BACE1: variants seen among roughly 807,000 people sequenced by gnomAD.
BACE1 encodes APP beta-secretase.
BACE1 carries 21 observed loss-of-function variants against 54.0 expected under a neutral mutation model. The ratio of observed to expected loss-of-function variants is 0.39; its 90% CI spans 0.28 to 0.56. BACE1 has a LOEUF of 0.56. Among genes scored for constraint, BACE1 ranks in the 20% least tolerant of loss-of-function variants. BACE1 has a pLI of 0.63. For missense variants in BACE1, 511 were observed against 661.2 expected (o/e 0.77, Z 2.49); for synonymous variants, 232 against 260.9 (o/e 0.89, Z 1.07).
At chr11:117,299,962 C>T (rs1038643131) in intron 1 of BACE1, among the ~76,000 whole-genome samples, 3 of 152,088 alleles carry the variant, frequency 2.0e-5, no homozygotes, top group African/African-American at 2.4e-5. Flanking sequence ...AAGTTCTAAG[C>T]AAATATGGCT....
chr11:117,286,268 G>T lies in BACE1; in HGVS notation c.*3298C>A, dbSNP rs1290854376. On this transcript the variant is annotated 3_prime_UTR_variant, in exon 9 of 9. Coordinates refer to ENST00000313005, the MANE Select transcript of BACE1 (RefSeq NM_012104.6). ...TTCAAATTTATAAATCACTTGCTCT[G>T]TGGGTAGCTATCAGGAACTAGATCA... 6.6e-6 allele frequency: 1 copy of T among 152,314 alleles called. No individual in the cohort carries two copies. The allele number at this position is 152,314 out of a possible 1,614,324, so 9.4% of individuals were successfully genotyped here.
intron 1 of BACE1, among the ~76,000 whole-genome samples, chr11:117,312,682 C>T (rs1297850021): frequency 1.3e-5 from 2 of 152,118 alleles, no homozygotes; most frequent in Admixed American, 6.6e-5. Context: ...AGGCTGGTCG[C>T]GAACTCCTGA....
chr11:117,297,042 C>T, intron 1 of BACE1, 81 bp from the exon 2 acceptor site: 1 of 1,014,680 alleles, frequency 9.9e-7, no homozygotes, highest in Non-Finnish European at 1.5e-6. Context: ...CACGCCCCAG[C>T]CACAGTCTGC....
intron 1 of BACE1, among the ~76,000 whole-genome samples, chr11:117,300,489 C>G (rs2034701345): frequency 6.6e-6 from 1 of 152,288 alleles, no homozygotes. Flanking sequence ...CAGGACGGGC[C>G]CGAGGCAAGG....
intron 1 of BACE1, among the ~76,000 whole-genome samples, chr11:117,304,824 G>T (rs1211387085): frequency 6.6e-6 from 1 of 151,978 alleles, no homozygotes; most frequent in African/African-American, 2.4e-5. Flanking sequence ...CTCCACCAAG[G>T]GTAGGGAGCA....
At chr11:117,311,705 A>G (rs2034946598) in intron 1 of BACE1, among the ~76,000 whole-genome samples, 2 of 152,088 alleles carry the variant, frequency 1.3e-5, no homozygotes, top group East Asian at 1.9e-4. Context: ...CAGTGGCGCA[A>G]TCTCAGCTCA....
rs2034456106 is a variant in BACE1, at chr11:117,292,091, A to G, written c.841-278T>C. On this transcript the variant is annotated intron_variant, in intron 5 of 8. Coordinates refer to ENST00000313005, the MANE Select transcript of BACE1 (RefSeq NM_012104.6). ...GCCCAGCAGAGAGAAGGCACTTGGT[A>G]AATGTTTATTCTTGTTAATCTTGGG... The G allele has an allele frequency of 9.8e-6, 2 of 204,664 alleles. 1 individual carries two copies. The highest frequency in any genetic ancestry group is 3.3e-4 in the South Asian group (2 of 6,120). The allele number at this position is 204,664 out of a possible 1,614,324, so 12.7% of individuals were successfully genotyped here.
rs1356807535 is a variant in BACE1 at position 117,286,266 on chromosome 11, C to T, written c.*3300G>A. ...ATTTCAAATTTATAAATCACTTGCT[C>T]TGTGGGTAGCTATCAGGAACTAGAT... On this transcript the variant is annotated 3_prime_UTR_variant, in exon 9 of 9. Coordinates refer to ENST00000313005, the MANE Select transcript of BACE1 (RefSeq NM_012104.6). The T allele has an allele frequency of 6.6e-6, 1 of 152,294 alleles. No individual in the cohort carries two copies. Among genetic ancestry groups the T allele is most frequent in the African/African-American group, 2.4e-5 (1 of 41,420 alleles). The allele number at this position is 152,294 out of a possible 1,614,324, so 9.4% of individuals were successfully genotyped here. A position where few individuals can be genotyped will look rare whatever the true frequency, so the allele number is the denominator to read the frequency against.
At position 117,288,291 on chromosome 11, in the gene BACE1, A is replaced by C. The variant is rs1471432255; in HGVS notation, c.*1275T>G. 1 of 152,350 alleles carries C rather than the reference A, an allele frequency of 6.6e-6. No individual in the cohort carries two copies. Among genetic ancestry groups the C allele is most frequent in the African/African-American group, 2.4e-5 (1 of 41,454 alleles). 9.4% of individuals were successfully genotyped at this position (152,350 alleles called of 1,614,324 possible). A position where few individuals can be genotyped will look rare whatever the true frequency, so the allele number is the denominator to read the frequency against. On this transcript the variant is annotated 3_prime_UTR_variant, in exon 9 of 9. Transcript: ENST00000313005. ...TTTCTCATACTCTTGGTATAATGCTAGTGCCACTGTGTGATGCTTTAGTCA... is the reference window on the plus strand; with the variant it reads ...TTTCTCATACTCTTGGTATAATGCTCGTGCCACTGTGTGATGCTTTAGTCA...
At chr11:117,307,007 G>A (rs1019937193) in intron 1 of BACE1, among the ~76,000 whole-genome samples, 10 of 152,072 alleles carry the variant, frequency 6.6e-5, no homozygotes, top group African/African-American at 2.4e-4. Flanking sequence ...AAAGGACCTA[G>A]GAGTCCCAGC....
chr11:117,296,285 C>T (rs1248608529), intron 2 of BACE1, among the ~76,000 whole-genome samples: 1 of 151,560 alleles, frequency 6.6e-6, no homozygotes, highest in Non-Finnish European at 1.5e-5. Flanking sequence ...TTCAACCCCC[C>T]TTTCACCAGT....
chr11:117,293,293 T>C lies in BACE1; in HGVS notation c.706-105A>G, dbSNP rs1180817508. On this transcript the variant is annotated intron_variant, in intron 4 of 8. Transcript: ENST00000313005. The surrounding 1 kb of genome is among the most constrained non-coding windows in gnomAD (Gnocchi z 4.1). ...GTGATTTCTTGGGGTGGCAAGGTCT[T>C]CTACAGGCTACCCTTTTCATCTTCC... 8.3e-7 allele frequency: 1 copy of C among 1,211,448 alleles called. No individual in the cohort carries two copies. Among genetic ancestry groups the C allele is most frequent in the Non-Finnish European group, 1.2e-6 (1 of 861,546 alleles). 75.0% of individuals were successfully genotyped at this position (1,211,448 alleles called of 1,614,324 possible).
At position 117,295,324 on chromosome 11, in the gene BACE1, C is replaced by T. The variant is rs528086428; in HGVS notation, c.374G>A (p.Arg125Gln). ...GGTGTAGGGCACATACACACCCTTC[C>T]GGAGGTCCCGGTATGTGCTGGACCT... ...RQLSSTYRDLRKGVYVPYTQG... is the reference protein window; with the variant it reads ...RQLSSTYRDLQKGVYVPYTQG... Residue 125 changes from arginine to glutamine, a missense_variant, in exon 3 of 9, where the codon CGG (arginine) becomes CAG (glutamine). Physicochemically the swap from Arg to Gln is conservative, Grantham distance 43. Transcript: ENST00000313005. The T allele has an allele frequency of 1.2e-5, 20 of 1,613,934 alleles. No individual in the cohort carries two copies. Among genetic ancestry groups the T allele is most frequent in the South Asian group, 6.6e-5 (6 of 91,082 alleles).
chr11:117,294,378 G>A (rs960471692), intron 3 of BACE1: 3 of 157,694 alleles, frequency 1.9e-5, no homozygotes, highest in East Asian at 1.9e-4. Flanking sequence ...CAACATGCCC[G>A]GCTAATTTCT....
At chr11:117,295,691 G>A in intron 2 of BACE1, 1 of 1,497,976 alleles carries the variant, frequency 6.7e-7, no homozygotes, top group Non-Finnish European at 8.9e-7. Context: ...TCCGCCCTCT[G>A]GCTCCGTCAA....
intron 1 of BACE1, among the ~76,000 whole-genome samples, chr11:117,306,954 T>C (rs1050162054): frequency 1.3e-5 from 2 of 152,140 alleles, no homozygotes; most frequent in African/African-American, 4.8e-5. Flanking sequence ...AGAGGATAAG[T>C]TGGCATGGGA....
In BACE1 at chr11:117,315,002, G is replaced by A. The variant is rs1016589587; in HGVS notation, c.261+533C>T. On this transcript the variant is annotated intron_variant, in intron 1 of 8. Transcript: ENST00000313005. The surrounding 1 kb of genome is among the most constrained non-coding windows in gnomAD (Gnocchi z 5.5). ...GGGCTTCCGGGCGGAGTGCAGTCAG[G>A]GGGGCCTCGACAACCTCACTTTGCC... Among the ~76,000 whole-genome samples the A allele has an allele frequency of 2.6e-5, 4 of 152,158 alleles. No individual in the cohort carries two copies. Among genetic ancestry groups the A allele is most frequent in the Non-Finnish European group, 5.9e-5 (4 of 68,026 alleles).
intron 1 of BACE1, among the ~76,000 whole-genome samples, chr11:117,306,283 C>G (rs898338482): frequency 5.3e-5 from 8 of 152,164 alleles, no homozygotes; most frequent in Admixed American, 2.6e-4. Flanking sequence ...AGCAGCTATT[C>G]GCCACCTGTT....
Position 117,290,672 on chromosome 11 carries a change from AAT to A in BACE1, c.1093-15_1093-14del. On this transcript the variant is annotated splice_polypyrimidine_tract_variant and intron_variant, in intron 7 of 8. Coordinates refer to ENST00000313005, the MANE Select transcript of BACE1 (RefSeq NM_012104.6). Reference sequence around the variant, plus strand: ...GCCGCAGGTATTGCTAGGGGTAAGCAATCACAGGGTGAGTGTCTTCCTCACTC... The same window carrying A: ...GCCGCAGGTATTGCTAGGGGTAAGCACACAGGGTGAGTGTCTTCCTCACTC... The A allele has an allele frequency of 6.2e-7, 1 of 1,613,150 alleles. No individual in the cohort carries two copies. The highest frequency in any genetic ancestry group is 8.5e-7 in the Non-Finnish European group (1 of 1,179,710).
Sources: gnomAD v4.1 joint callset for allele counts (sites outside exome capture counted in the v4.1 genomes callset) on GRCh38, gnomAD v4.1.1 for gene constraint, Gnocchi (gnomAD v3.1) non-coding constraint, MANE v1.5 for transcripts, NCBI Gene and HGNC (gene_info 2026-07-23, HGNC 2026-07-21) for gene names.